The following PJA2 variants were observed in gnomAD, a reference collection of about 807,000 sequenced individuals.
PJA2 encodes the protein praja ring finger ubiquitin ligase 2.
In PJA2, 25 loss-of-function variants were observed where a neutral mutation model predicts 69.3. The ratio of observed to expected loss-of-function variants is 0.36; its 90% confidence interval spans 0.26 to 0.50. PJA2 has a LOEUF of 0.50. Ranked by LOEUF, PJA2 falls within the 20% of genes least tolerant of loss-of-function variation. The pLI, the probability that PJA2 is intolerant of heterozygous loss-of-function variation, is 0.96. For synonymous variants in PJA2, 308 were observed against 277.8 expected, an observed-to-expected ratio of 1.11 and a Z score of -1.08; for missense variants, 809 against 830.2, an observed-to-expected ratio of 0.97 and a Z score of 0.31.
intron 9 of PJA2, among the ~76,000 whole-genome samples, chr5:109,339,767 T>A (rs1047279876): frequency 6.6e-6 from 1 of 152,242 alleles, no homozygotes; most frequent in African/African-American, 2.4e-5. Context: ...GTTTACTATG[T>A]GCCAAACACT....
intron 1 of PJA2, among the ~76,000 whole-genome samples, chr5:109,396,739 T>C (rs144546860): frequency 0.019 from 2,001 of 104,984 alleles, 27 homozygotes; most frequent in Admixed American, 0.03. Flanking sequence ...TGTAAAGTTC[T>C]AACCATCGCA....
At chr5:109,401,595 T>C (rs778025570) in intron 1 of PJA2, among the ~76,000 whole-genome samples, 8 of 152,152 alleles carry the variant, frequency 5.3e-5, no homozygotes, top group Non-Finnish European at 1.0e-4. Flanking sequence ...AGATAATAAA[T>C]AGCATCCTTA....
chr5:109,393,192 C>T (rs1440935057), intron 1 of PJA2, among the ~76,000 whole-genome samples: 1 of 152,104 alleles, frequency 6.6e-6, no homozygotes, highest in African/African-American at 2.4e-5. Context: ...TGCTGAGACG[C>T]ACTCCAGAAA....
intron 1 of PJA2, among the ~76,000 whole-genome samples, chr5:109,387,214 T>C (rs905818295): frequency 1.3e-5 from 2 of 152,208 alleles, no homozygotes; most frequent in African/African-American, 4.8e-5. Flanking sequence ...GTGATTATTA[T>C]TTAATAGTAG....
At chr5:109,353,681 A>G (rs1016418591) in intron 7 of PJA2, among the ~76,000 whole-genome samples, 1 of 148,504 alleles carries the variant, frequency 6.7e-6, no homozygotes, top group Middle Eastern at 0.011. Context: ...AGACATCTAT[A>G]TATTAGATAC....
chr5:109,339,782 T>G (rs1762010649), intron 9 of PJA2, among the ~76,000 whole-genome samples: 1 of 152,236 alleles, frequency 6.6e-6, no homozygotes, highest in Non-Finnish European at 1.5e-5. Context: ...AACACTATAT[T>G]AAATTCATCA....
intron 9 of PJA2, among the ~76,000 whole-genome samples, chr5:109,340,665 CCCCTCCCTCTCCCCACGGTCT>C (rs1762033822): frequency 9.3e-5 from 1 of 10,806 alleles, no homozygotes; most frequent in Non-Finnish European, 2.3e-4. Context: ...CCTCCCCCTC[CCCCTCCCTCTCCCCACGGTCT>C]CCCTCTCATG....
At chr5:109,364,399 G>A (rs902816250) in intron 5 of PJA2, among the ~76,000 whole-genome samples, 4 of 151,678 alleles carry the variant, frequency 2.6e-5, no homozygotes, top group Admixed American at 6.6e-5. Context: ...CGAGGCGGGC[G>A]GATCACGAGG....
intron 1 of PJA2, among the ~76,000 whole-genome samples, chr5:109,384,099 G>C (rs1747108543): frequency 6.6e-6 from 1 of 152,126 alleles, no homozygotes; most frequent in Admixed American, 6.5e-5. Context: ...TACATAATTT[G>C]TAAGTAAACA....
chr5:109,399,127 C>T (rs765176291), intron 1 of PJA2, among the ~76,000 whole-genome samples: 5 of 149,370 alleles, frequency 3.3e-5, no homozygotes, highest in Non-Finnish European at 7.4e-5. Context: ...AGAAGAATCG[C>T]TTTAACCTGC....
intron 1 of PJA2, among the ~76,000 whole-genome samples, chr5:109,395,546 C>T (rs535696677): frequency 6.6e-6 from 1 of 152,156 alleles, no homozygotes; most frequent in South Asian, 2.1e-4. Flanking sequence ...GAATAAAAAT[C>T]TTCCCACAAG....
chr5:109,408,360 G>A (rs1266603196), intron 1 of PJA2, among the ~76,000 whole-genome samples: 1 of 152,110 alleles, frequency 6.6e-6, no homozygotes, highest in Non-Finnish European at 1.5e-5. Context: ...GCAATTAAAT[G>A]TCTTTCAAAA....
chr5:109,404,156 G>A (rs907657135), intron 1 of PJA2, among the ~76,000 whole-genome samples: 9 of 151,900 alleles, frequency 5.9e-5, no homozygotes, highest in Admixed American at 2.6e-4. Context: ...ATGATAAAAG[G>A]CCACTTGTCT....
intron 1 of PJA2, among the ~76,000 whole-genome samples, chr5:109,407,751 A>G (rs1747722759): frequency 6.6e-6 from 1 of 152,126 alleles, no homozygotes; most frequent in Non-Finnish European, 1.5e-5. Context: ...CATCCACCAC[A>G]CGAATCAAAC....
rs759207479 is a variant in PJA2 at position 109,337,362 on chromosome 5, GA to G, written c.2002-7del. On this transcript the variant is annotated splice_region_variant and splice_polypyrimidine_tract_variant and intron_variant, in intron 9 of 9. Transcript: ENST00000361189. ...CACACAGGGCATGTTCCCGACTGGAGAAAAAAAAAATGTTAAGAGCCACCAG... is the reference window on the plus strand; with the variant it reads ...CACACAGGGCATGTTCCCGACTGGAGAAAAAAAAATGTTAAGAGCCACCAG... 4.3e-4 allele frequency: 621 copies of G among 1,427,650 alleles called. No individual in the cohort carries two copies. Among genetic ancestry groups the G allele is most frequent in the Admixed American group, 1.3e-3 (58 of 45,306 alleles). The allele number at this position is 1,427,650 out of a possible 1,614,324, so 88.4% of individuals were successfully genotyped here. A position where few individuals can be genotyped will look rare whatever the true frequency, so the allele number is the denominator to read the frequency against.
intron 1 of PJA2, among the ~76,000 whole-genome samples, chr5:109,391,373 T>C (rs1241949827): frequency 6.6e-6 from 1 of 152,220 alleles, no homozygotes; most frequent in African/African-American, 2.4e-5. Context: ...TAACATATTT[T>C]AATGTTTGTT....
chr5:109,375,620 T>C (rs770516348), intron 4 of PJA2, among the ~76,000 whole-genome samples: 91 of 152,182 alleles, frequency 6.0e-4, no homozygotes, highest in Non-Finnish European at 9.1e-4. Flanking sequence ...ACTTTTCAAG[T>C]ATATCAACTT....
intron 9 of PJA2, among the ~76,000 whole-genome samples, chr5:109,337,862 A>C (rs1761976011): frequency 6.6e-6 from 1 of 152,122 alleles, no homozygotes; most frequent in African/African-American, 2.4e-5. Flanking sequence ...ATGGCAAATT[A>C]AAGCCTCATT....
chr5:109,391,982 T>C (rs1030068337), intron 1 of PJA2, among the ~76,000 whole-genome samples: 1 of 152,324 alleles, frequency 6.6e-6, no homozygotes, highest in South Asian at 2.1e-4. Context: ...CCATACTCAT[T>C]GGCTTGGAAG....
Sources: gnomAD v4.1 joint callset for allele counts (sites outside exome capture counted in the v4.1 genomes callset) on GRCh38, gnomAD v4.1.1 for gene constraint, MANE v1.5 for transcripts, NCBI Gene and HGNC (gene_info 2026-07-23, HGNC 2026-07-21) for gene names.